The following CHMP7 variants were observed in gnomAD, a reference collection of about 807,000 sequenced individuals.
CHMP7 encodes CHMP family, member 7.
In CHMP7, 15 loss-of-function variants were observed where a neutral mutation model predicts 53.7. The observed-to-expected ratio is 0.28, with a 90% CI of 0.19 to 0.43. The LOEUF (loss-of-function observed/expected upper bound fraction) is 0.43. CHMP7 is among the 20% of genes least tolerant of loss of function. The pLI is 1.00. For missense variants in CHMP7, 527 were observed against 569.4 expected (o/e 0.93, Z 0.76); for synonymous variants, 261 against 228.0 (o/e 1.14, Z -1.30).
At chr8:23,250,370 G>C (rs995292212) in intron 3 of CHMP7, among the ~76,000 whole-genome samples, 1 of 151,942 alleles carries the variant, frequency 6.6e-6, no homozygotes, top group Non-Finnish European at 1.5e-5. Flanking sequence ...TTGTCCCTTT[G>C]TCCCATCGGC....
Position 23,260,631 on chromosome 8 carries a change from A to T in CHMP7, c.*32A>T. Reference sequence around the variant, plus strand: ...CAAGTGAAGGACCCTCATGTAAAAGAGAGACCAGGCTTGCTGGGTGTGTAC... The same window carrying T: ...CAAGTGAAGGACCCTCATGTAAAAGTGAGACCAGGCTTGCTGGGTGTGTAC... On this transcript the variant is annotated 3_prime_UTR_variant, in exon 11 of 11. Transcript: ENST00000397677. 6.5e-7 allele frequency: 1 copy of T among 1,547,830 alleles called. No individual in the cohort carries two copies. Among genetic ancestry groups the T allele is most frequent in the African/African-American group, 1.4e-5 (1 of 73,724 alleles).
chr8:23,259,132 TG>T lies in CHMP7; in HGVS notation c.1120+8del. The T allele has an allele frequency of 7.1e-7, 1 of 1,413,552 alleles. No individual in the cohort carries two copies. The highest frequency in any genetic ancestry group is 9.8e-7 in the Non-Finnish European group (1 of 1,019,750). 87.6% of individuals were successfully genotyped at this position (1,413,552 alleles called of 1,614,324 possible). ...TGGGGTAACAAATGGCTTAGGTGAGTGGACAAGGTGGTTATTTTTATTTTTA... is the reference window on the plus strand; with the variant it reads ...TGGGGTAACAAATGGCTTAGGTGAGTGACAAGGTGGTTATTTTTATTTTTA... On this transcript the variant is annotated splice_region_variant and intron_variant, in intron 9 of 10. Coordinates refer to ENST00000397677, the MANE Select transcript of CHMP7 (RefSeq NM_152272.5).
chr8:23,249,211 C>T lies in CHMP7; in HGVS notation c.301C>T (p.Arg101Ter), dbSNP rs1801825824. 5 of 1,581,292 alleles carry T rather than the reference C, an allele frequency of 3.2e-6. No individual in the cohort carries two copies. The highest frequency in any genetic ancestry group is 2.6e-6 in the Non-Finnish European group (3 of 1,165,916). ...CGCCCTTCTTTTTCTTCCCTGCAGT[C>T]GAGGGGAGCTGCAGCGGGAGTCAGA... ...LATVLQDLLR[R>*]GELQRESDFM... Residue 101 changes from arginine to a stop codon, truncating the protein, a stop_gained and splice_region_variant, in exon 3 of 11, where the codon CGA becomes TGA. Coordinates refer to ENST00000397677, the MANE Select transcript of CHMP7 (RefSeq NM_152272.5). LOFTEE classifies it high-confidence loss of function.
In CHMP7 at chr8:23,259,046, T is replaced by C. The variant is rs772649953; in HGVS notation, c.1060-20T>C. On this transcript the variant is annotated intron_variant, in intron 8 of 10. Transcript: ENST00000397677. The stretch of plus-strand genomic sequence containing the variant: ...AGAGCCACCATGCCCAGCTCAAGGC[T>C]TTGCACTTGTCTCTTACAGCTCTGT... 7.6e-6 allele frequency: 12 copies of C among 1,575,532 alleles called. No individual in the cohort carries two copies. The South Asian group carries it at 1.3e-4, about 17-fold the overall frequency.
intron 9 of CHMP7, 36 bp downstream of exon 9, chr8:23,259,162 A>ATTTTTT (rs374301627): frequency 1.3e-5 from 7 of 530,622 alleles, no homozygotes; most frequent in East Asian, 8.0e-5. Context: ...ATTTTTATTC[A>ATTTTTT]TTTTTTTTTT....
Position 23,250,620 on chromosome 8 carries a change from CTGTGTGTGTGTGTGTG to C in CHMP7, c.471+1269_471+1284del, listed in dbSNP as rs59970101. Among the ~76,000 whole-genome samples, 195 of 143,364 alleles carry C rather than the reference CTGTGTGTGTGTGTGTG, an allele frequency of 1.4e-3. 1 individual carries two copies. The highest frequency in any genetic ancestry group is 9.1e-3 in the East Asian group (44 of 4,846). 94.1% of individuals were successfully genotyped at this position (143,364 alleles called of 152,430 possible). On this transcript the variant is annotated intron_variant, in intron 3 of 10. Coordinates refer to ENST00000397677, the MANE Select transcript of CHMP7 (RefSeq NM_152272.5). ...CTGCTGTGGATGAGGTGATAGGGGC[CTGTGTGTGTGTGTGTG>C]TGTGTGTGTGTGTGTGTGTGTGTGT...
At chr8:23,254,059 T>A (rs530752496) in intron 3 of CHMP7, among the ~76,000 whole-genome samples, 1 of 152,196 alleles carries the variant, frequency 6.6e-6, no homozygotes, top group East Asian at 1.9e-4. Flanking sequence ...CTCTCTCCTT[T>A]CCCCTCTACA....
intron 3 of CHMP7, among the ~76,000 whole-genome samples, chr8:23,254,363 C>T (rs1585311026): frequency 1.3e-5 from 2 of 152,202 alleles, no homozygotes; most frequent in South Asian, 4.1e-4. Flanking sequence ...CTTATCCCAT[C>T]TGTTTATTAT....
intron 3 of CHMP7, chr8:23,255,045 C>T: frequency 1.6e-6 from 1 of 608,266 alleles, no homozygotes; most frequent in South Asian, 1.9e-5. Context: ...TGCCTCATTT[C>T]ATGTGGAGTC....
rs1242418468 is a variant in CHMP7, at chr8:23,258,340, C to G, written c.851C>G (p.Ser284Cys). The G allele has an allele frequency of 6.2e-7, 1 of 1,614,096 alleles. No individual in the cohort carries two copies. The highest frequency in any genetic ancestry group is 2.2e-5 in the East Asian group (1 of 44,884). ...RAGKKQLALR[S>C]LKAKQRTEKR... The stretch of plus-strand genomic sequence containing the variant: ...TCTCCATGCCTCCAGGCACTGAGGT[C>G]TCTCAAGGCCAAGCAACGGACAGAG... Residue 284 changes from serine to cysteine, a missense_variant, in exon 7 of 11, where the codon TCT becomes TGT. Transcript: ENST00000397677.
chr8:23,261,189 A>G lies in CHMP7; in HGVS notation c.*590A>G, dbSNP rs1209003868. 1 of 153,442 alleles carries G rather than the reference A, an allele frequency of 6.5e-6. No individual in the cohort carries two copies. The highest frequency in any genetic ancestry group is 1.4e-5 in the Non-Finnish European group (1 of 69,010). The allele number at this position is 153,442 out of a possible 1,614,324, so 9.5% of individuals were successfully genotyped here. ...TTGACAGAATTCTCCAGGTGTTCAG[A>G]GAAAGAGGTCGCCCCAAGTGGCCCA... On this transcript the variant is annotated 3_prime_UTR_variant, in exon 11 of 11. Coordinates refer to ENST00000397677, the MANE Select transcript of CHMP7 (RefSeq NM_152272.5).
chr8:23,259,057 C>G lies in CHMP7; in HGVS notation c.1060-9C>G, dbSNP rs751480195. ...GCCCAGCTCAAGGCTTTGCACTTGT[C>G]TCTTACAGCTCTGTGACACCCAGGA... On this transcript the variant is annotated splice_polypyrimidine_tract_variant and intron_variant, in intron 8 of 10. Coordinates refer to ENST00000397677, the MANE Select transcript of CHMP7 (RefSeq NM_152272.5). 6.3e-7 allele frequency: 1 copy of G among 1,599,372 alleles called. No individual in the cohort carries two copies. Among genetic ancestry groups the G allele is most frequent in the South Asian group, 1.1e-5 (1 of 90,798 alleles).
Position 23,260,292 on chromosome 8 carries a change from T to C in CHMP7, c.1269T>C (p.Ala423=), listed in dbSNP as rs1465228319. ...NPRISDAELE[A]ELEKLSLSEG... is the part of the protein sequence containing the mutation. ...GGATCTCAGATGCTGAACTTGAAGC[T>C]GAACTTGAGAAACTGTCCTTATCAG... The change falls in exon 10 of 11, where the codon GCT becomes GCC. Residue 423 remains alanine (A), a synonymous_variant. Coordinates refer to ENST00000397677, the MANE Select transcript of CHMP7 (RefSeq NM_152272.5). 2.5e-6 allele frequency: 4 copies of C among 1,614,096 alleles called. No individual in the cohort carries two copies. Among genetic ancestry groups the C allele is most frequent in the African/African-American group, 2.7e-5 (2 of 74,940 alleles).
Position 23,246,669 on chromosome 8 carries a change from C to T in CHMP7, c.-27C>T, listed in dbSNP as rs1801698529. The stretch of plus-strand genomic sequence containing the variant: ...AGCGGACCAGGGCCAGGCTTGTGTT[C>T]GCAGCCTTGCCGGGGCTGGGGTTCC... On this transcript the variant is annotated 5_prime_UTR_variant, in exon 2 of 11. Coordinates refer to ENST00000397677, the MANE Select transcript of CHMP7 (RefSeq NM_152272.5). The T allele has an allele frequency of 5.8e-6, 9 of 1,538,908 alleles. No homozygotes were observed. In the African/African-American group the frequency reaches 6.9e-5, roughly 12 times the overall value.
At chr8:23,260,121 T>C (rs1158453360) in intron 9 of CHMP7, 23 bp from the exon 10 acceptor site, 3 of 1,605,626 alleles carry the variant, frequency 1.9e-6, no homozygotes, top group Non-Finnish European at 2.6e-6. Context: ...TTTATGCATC[T>C]TTATGTTGTC....
At chr8:23,260,384 T>G in intron 10 of CHMP7, 61 bp downstream of exon 10, 1 of 1,593,278 alleles carries the variant, frequency 6.3e-7, no homozygotes, top group Non-Finnish European at 8.6e-7. Flanking sequence ...ACAGAGTTGA[T>G]GGGCCCAAGC....
In CHMP7 at chr8:23,246,649, A is replaced by C. The variant is rs748110164; in HGVS notation, c.-47A>C. On this transcript the variant is annotated 5_prime_UTR_variant, in exon 2 of 11. Transcript: ENST00000397677. ...CGGGAGGGAACGAGGGCGGAAGCGG[A>C]CCAGGGCCAGGCTTGTGTTCGCAGC... is the stretch of plus-strand genomic sequence containing the variant. The C allele has an allele frequency of 1.3e-6, 2 of 1,505,944 alleles. No homozygotes were observed. The highest frequency in any genetic ancestry group is 4.9e-5 in the East Asian group (2 of 40,508). 93.3% of individuals were successfully genotyped at this position (1,505,944 alleles called of 1,614,324 possible). A position where few individuals can be genotyped will look rare whatever the true frequency, so the allele number is the denominator to read the frequency against.
chr8:23,255,767 T>C (rs1802098864), intron 4 of CHMP7, among the ~76,000 whole-genome samples: 1 of 123,208 alleles, frequency 8.1e-6, no homozygotes, highest in Non-Finnish European at 1.7e-5. Flanking sequence ...CCACCCTTAT[T>C]GTACTTTTTT....
intron 9 of CHMP7, among the ~76,000 whole-genome samples, chr8:23,259,414 G>A (rs1022747932): frequency 6.6e-6 from 1 of 151,336 alleles, no homozygotes; most frequent in African/African-American, 2.4e-5. Flanking sequence ...AGGCTGGAGT[G>A]CAGTGACGCA....
Sources: gnomAD v4.1 joint callset for allele counts (sites outside exome capture counted in the v4.1 genomes callset) on GRCh38, gnomAD v4.1.1 for gene constraint, MANE v1.5 for transcripts, NCBI Gene and HGNC (gene_info 2026-07-23, HGNC 2026-07-21) for gene names.